ETV6: variants seen among roughly 807,000 people sequenced by gnomAD.
The protein encoded by ETV6 is transcription factor ETV6.
In ETV6, 16 loss-of-function variants were observed where a neutral mutation model predicts 51.1. That is an observed-to-expected ratio of 0.31 (90% CI 0.21 to 0.48). The LOEUF is 0.48. Among genes scored for constraint, ETV6 ranks in the 20% least tolerant of loss-of-function variants. The probability of loss-of-function intolerance (pLI) is 0.99; values close to 1 mark genes in which losing one functional copy is unlikely to be tolerated. For synonymous variants in ETV6, 240 were observed against 224.1 expected, an observed-to-expected ratio of 1.07 and a Z score of -0.64; for missense variants, 458 against 594.8, an observed-to-expected ratio of 0.77 and a Z score of 2.39.
chr12:11,763,196 C>T (rs1591656855), intron 2 of ETV6, among the ~76,000 whole-genome samples: 1 of 152,216 alleles, frequency 6.6e-6, no homozygotes, highest in East Asian at 1.9e-4. Context: ...TGACTCCTTT[C>T]ACTTCTCCTA....
intron 1 of ETV6, among the ~76,000 whole-genome samples, chr12:11,742,552 T>C (rs369504815): frequency 6.6e-6 from 1 of 152,234 alleles, no homozygotes; most frequent in East Asian, 1.9e-4. Flanking sequence ...TTTCGAGTTA[T>C]AAAAGGAAGA....
In ETV6 at chr12:11,769,805, C is replaced by A. The variant is rs114854055; in HGVS notation, c.163+17226C>A. On this transcript the variant is annotated intron_variant, in intron 2 of 7. Coordinates refer to ENST00000396373, the MANE Select transcript of ETV6 (RefSeq NM_001987.5). ...ACATTGAGGGGTTGATTATTTACTT[C>A]GTTTGGAAGTAAGAAGGGAGGTAGC... Among the ~76,000 whole-genome samples, 421 of 152,262 alleles carry A rather than the reference C, an allele frequency of 2.8e-3. 2 individuals are homozygous for A. Among genetic ancestry groups the A allele is most frequent in the African/African-American group, 9.2e-3 (384 of 41,550 alleles).
intron 1 of ETV6, among the ~76,000 whole-genome samples, chr12:11,674,411 C>T (rs1347801239): frequency 6.6e-6 from 1 of 151,884 alleles, no homozygotes; most frequent in Non-Finnish European, 1.5e-5. Flanking sequence ...TAAGGAGTAC[C>T]GAGACTCCAA....
intron 1 of ETV6, among the ~76,000 whole-genome samples, chr12:11,697,569 C>T (rs1035731576): frequency 1.3e-5 from 2 of 152,082 alleles, no homozygotes; most frequent in Admixed American, 1.3e-4. Flanking sequence ...TTTAAGTTTC[C>T]TAATTCTGTG....
intron 1 of ETV6, among the ~76,000 whole-genome samples, chr12:11,657,634 CTG>C (rs546932325): frequency 8.1e-4 from 123 of 152,322 alleles, no homozygotes; most frequent in African/African-American, 2.9e-3. Flanking sequence ...TTCTTGAGGC[CTG>C]ATGGCCTCCC....
intron 7 of ETV6, among the ~76,000 whole-genome samples, chr12:11,889,501 A>G (rs1165073049): frequency 2.0e-5 from 3 of 152,192 alleles, no homozygotes; most frequent in African/African-American, 4.8e-5. Context: ...GTTGAAGAAG[A>G]TGGAGGTTTA....
intron 4 of ETV6, among the ~76,000 whole-genome samples, chr12:11,859,377 G>A (rs1172770563): frequency 6.6e-6 from 1 of 151,706 alleles, no homozygotes; most frequent in African/African-American, 2.4e-5. Context: ...TCCTGACCTC[G>A]TGATCCGCCC....
At chr12:11,825,835 T>TTA (rs1294223601) in intron 2 of ETV6, 1 of 139,708 alleles carries the variant, frequency 7.2e-6, no homozygotes, top group Non-Finnish European at 1.5e-5. Context: ...AAGCATGCCT[T>TTA]TTTTTTTTTT....
chr12:11,660,710 T>G (rs1158134498), intron 1 of ETV6, among the ~76,000 whole-genome samples: 1 of 152,184 alleles, frequency 6.6e-6, no homozygotes, highest in Non-Finnish European at 1.5e-5. Context: ...TCAAGTTTAT[T>G]GCTGGTTGTT....
chr12:11,762,063 AGCTCT>A (rs1443857304), intron 2 of ETV6, among the ~76,000 whole-genome samples: 8 of 152,196 alleles, frequency 5.3e-5, no homozygotes, highest in Admixed American at 3.3e-4. Context: ...TCCAACACCC[AGCTCT>A]GTTGAGCATT....
At chr12:11,660,157 A>G (rs900451563) in intron 1 of ETV6, among the ~76,000 whole-genome samples, 6 of 152,222 alleles carry the variant, frequency 3.9e-5, no homozygotes, top group African/African-American at 1.4e-4. Context: ...AAAATGTCAC[A>G]TGTACCCCCA....
intron 1 of ETV6, among the ~76,000 whole-genome samples, chr12:11,697,157 G>A (rs1190993973): frequency 6.6e-6 from 1 of 152,186 alleles, no homozygotes; most frequent in South Asian, 2.1e-4. Flanking sequence ...CAGTGGAGTC[G>A]ATCATTTATT....
At chr12:11,656,165 T>G (rs2120617455) in intron 1 of ETV6, among the ~76,000 whole-genome samples, 1 of 152,308 alleles carries the variant, frequency 6.6e-6, no homozygotes, top group Middle Eastern at 3.4e-3. Flanking sequence ...TCTTCACAGC[T>G]CTCTATGGAT....
intron 2 of ETV6, among the ~76,000 whole-genome samples, chr12:11,776,006 G>A (rs1037120990): frequency 6.6e-6 from 1 of 152,190 alleles, no homozygotes; most frequent in Admixed American, 6.5e-5. Context: ...CTACCACAGT[G>A]CCAGGCATCA....
intron 1 of ETV6, among the ~76,000 whole-genome samples, chr12:11,664,915 C>T (rs999129386): frequency 1.3e-5 from 2 of 152,208 alleles, no homozygotes. Flanking sequence ...TGTCTCACAC[C>T]ACAGTACCAC....
rs564377715 is a variant in ETV6, at chr12:11,711,592, T to G, written c.34-40858T>G. Among the ~76,000 whole-genome samples the G allele has an allele frequency of 3.3e-5, 5 of 152,354 alleles. No homozygotes were observed. The South Asian group carries it at 1.0e-3, about 32-fold the overall frequency. ...TCCTTTTTTGAAGAAAAGAGAACAT[T>G]GTGTGCCATTGTTTTCTGCGGGAGA... On this transcript the variant is annotated intron_variant, in intron 1 of 7. Transcript: ENST00000396373.
chr12:11,717,324 G>A (rs1266143108), intron 1 of ETV6, among the ~76,000 whole-genome samples: 2 of 152,196 alleles, frequency 1.3e-5, no homozygotes, highest in Non-Finnish European at 2.9e-5. Context: ...ATTAGGATGC[G>A]CAGGCGGCGC....
At chr12:11,680,505 A>G (rs2120741574) in intron 1 of ETV6, among the ~76,000 whole-genome samples, 1 of 152,324 alleles carries the variant, frequency 6.6e-6, no homozygotes, top group South Asian at 2.1e-4. Context: ...GGACCACATC[A>G]GGGCAGGCAT....
chr12:11,825,396 A>ACGGCAACATCGAGT (rs1946137542), intron 2 of ETV6, among the ~76,000 whole-genome samples: 1 of 152,190 alleles, frequency 6.6e-6, no homozygotes, highest in African/African-American at 2.4e-5. Context: ...ATATTGAAGA[A>ACGGCAACATCGAGT]CGGCAAAGAA....
Sources: gnomAD v4.1 joint callset for allele counts (sites outside exome capture counted in the v4.1 genomes callset) on GRCh38, gnomAD v4.1.1 for gene constraint, MANE v1.5 for transcripts, NCBI Gene and HGNC (gene_info 2026-07-23, HGNC 2026-07-21) for gene names.